PREX1: variants seen among roughly 807,000 people sequenced by gnomAD.
PREX1 encodes phosphatidylinositol 3,4,5-trisphosphate-dependent Rac exchanger 1 protein.
PREX1 carries 41 observed loss-of-function variants against 198.3 expected under a neutral mutation model. That is an observed-to-expected ratio of 0.21 (90% CI 0.16 to 0.27). The LOEUF (loss-of-function observed/expected upper bound fraction) is 0.27. PREX1 is among the 10% of genes least tolerant of loss of function. The probability of loss-of-function intolerance (pLI) is 1.00; values close to 1 mark genes in which losing one functional copy is unlikely to be tolerated. For synonymous variants in PREX1, 843 were observed against 887.2 expected (o/e 0.95, Z 0.89); for missense variants, 1,620 against 2,200.7 (o/e 0.74, Z 5.28).
chr20:48,761,708 G>A (rs1445361267), intron 1 of PREX1, among the ~76,000 whole-genome samples: 4 of 152,126 alleles, frequency 2.6e-5, no homozygotes, highest in Admixed American at 6.6e-5. Context: ...AAACTTTCCT[G>A]AGTTCACCAA....
chr20:48,723,633 C>T (rs1037923574), intron 5 of PREX1, among the ~76,000 whole-genome samples: 1 of 152,180 alleles, frequency 6.6e-6, no homozygotes, highest in African/African-American at 2.4e-5. Context: ...GCAGAGTAAA[C>T]AGCCGTCTGG....
At chr20:48,882,900 A>G in the PREX1 span, among the ~76,000 whole-genome samples, 4 of 148,806 alleles carry the variant, frequency 2.7e-5, no homozygotes, top group African/African-American at 9.9e-5. Flanking sequence ...TGTCTATTCA[A>G]ATTCTTTGTC....
chr20:48,680,772 C>T (rs1325321608), intron 11 of PREX1, among the ~76,000 whole-genome samples: 1 of 152,146 alleles, frequency 6.6e-6, no homozygotes, highest in Non-Finnish European at 1.5e-5. Flanking sequence ...ACACCACACT[C>T]TTTACCCTCC....
chr20:48,713,801 G>A (rs2089947428), intron 5 of PREX1, among the ~76,000 whole-genome samples: 1 of 148,412 alleles, frequency 6.7e-6, no homozygotes, highest in African/African-American at 2.5e-5. Context: ...AACCACCATG[G>A]CACATGTAGA....
chr20:48,661,492 T>C (rs1356279065), intron 15 of PREX1, among the ~76,000 whole-genome samples: 53 of 119,342 alleles, frequency 4.4e-4, no homozygotes, highest in Admixed American at 1.6e-3. Flanking sequence ...TATAATATAA[T>C]ATATAGTATG....
At chr20:48,677,607 T>A (rs1214521721) in intron 13 of PREX1, among the ~76,000 whole-genome samples, 1 of 152,204 alleles carries the variant, frequency 6.6e-6, no homozygotes, top group Non-Finnish European at 1.5e-5. Context: ...CAAAAGAAGT[T>A]AATCATCTTT....
At chr20:48,662,970 C>T (rs577238852) in intron 15 of PREX1, among the ~76,000 whole-genome samples, 4 of 152,240 alleles carry the variant, frequency 2.6e-5, no homozygotes, top group South Asian at 2.1e-4. Flanking sequence ...AGCTGACTGG[C>T]GGGAGGCTCG....
At chr20:48,863,584 G>GTTTTTTTTTTTTTTTT in the PREX1 span, among the ~76,000 whole-genome samples, 1 of 120,356 alleles carries the variant, frequency 8.3e-6, no homozygotes. Flanking sequence ...TTTTCATATT[G>GTTTTTTTTTTTTTTTT]TCTTTTTTTT....
intron 7 of PREX1, among the ~76,000 whole-genome samples, 171 bp from the exon 8 acceptor site, chr20:48,692,961 G>C (rs894512285): frequency 6.6e-6 from 1 of 152,182 alleles, no homozygotes; most frequent in Non-Finnish European, 1.5e-5. Flanking sequence ...ACTTGAACAA[G>C]TCACTTCTCT....
chr20:48,885,454 G>A, the PREX1 span, among the ~76,000 whole-genome samples: 1 of 152,208 alleles, frequency 6.6e-6, no homozygotes, highest in African/African-American at 2.4e-5. Flanking sequence ...ATTGCTAGTA[G>A]TAATGCAAAA....
intron 10 of PREX1, 58 bp from the exon 11 acceptor site, chr20:48,681,393 T>C: frequency 6.4e-7 from 1 of 1,552,680 alleles, no homozygotes; most frequent in Non-Finnish European, 8.9e-7. Context: ...ACCACAGGAA[T>C]CAGCACTAAG....
chr20:48,669,660 GTC>G (rs745760281), intron 14 of PREX1, among the ~76,000 whole-genome samples: 73 of 152,106 alleles, frequency 4.8e-4, no homozygotes, highest in Admixed American at 7.9e-4. Flanking sequence ...CCCTGTCTCG[GTC>G]TCTGTCTATA....
rs557291293 is a variant in PREX1, at chr20:48,788,975, T to C, written c.219+38667A>G. On this transcript the variant is annotated intron_variant, in intron 1 of 39. Transcript: ENST00000371941. ...GAACGTTCTCACCAGATGTGGCCCC[T>C]CCACCTGGGACTTCTCAGCTTCCAT... Among the ~76,000 whole-genome samples the C allele has an allele frequency of 4.8e-4, 73 of 152,250 alleles. 1 individual carries two copies. Among genetic ancestry groups the C allele is most frequent in the African/African-American group, 1.7e-3 (72 of 41,546 alleles).
At chr20:48,673,887 A>C (rs1408302976) in intron 14 of PREX1, among the ~76,000 whole-genome samples, 2 of 152,208 alleles carry the variant, frequency 1.3e-5, no homozygotes, top group Non-Finnish European at 2.9e-5. Flanking sequence ...CACTTTACAC[A>C]ATTATCTCAT....
intron 33 of PREX1, among the ~76,000 whole-genome samples, chr20:48,633,690 T>C (rs6019327): frequency 0.41 from 61,561 of 151,882 alleles, 12,607 homozygotes; most frequent in Middle Eastern, 0.53. Context: ...AACCCCTGCT[T>C]TCAGAAGCAA....
chr20:48,721,889 G>A (rs2089988014), intron 5 of PREX1, among the ~76,000 whole-genome samples: 1 of 152,080 alleles, frequency 6.6e-6, no homozygotes, highest in Non-Finnish European at 1.5e-5. Flanking sequence ...GGGGAAAGAG[G>A]GACACCAAAT....
chr20:48,831,999 T>A (rs1341357818), upstream of PREX1, among the ~76,000 whole-genome samples: 1 of 151,910 alleles, frequency 6.6e-6, no homozygotes, highest in Admixed American at 6.6e-5. Context: ...TTCTTCCCCA[T>A]CACCCGTCCG....
chr20:48,741,096 C>T (rs1263873129), intron 3 of PREX1, among the ~76,000 whole-genome samples: 1 of 152,044 alleles, frequency 6.6e-6, no homozygotes, highest in African/African-American at 2.4e-5. Context: ...GCAACCTCTG[C>T]CTCCCGGGTT....
chr20:48,631,034 A>C (rs1222002472), intron 35 of PREX1, among the ~76,000 whole-genome samples: 1 of 152,080 alleles, frequency 6.6e-6, no homozygotes, highest in African/African-American at 2.4e-5. Flanking sequence ...CTGCCCGTCC[A>C]CAGCAGCCCC....
Sources: allele counts gnomAD v4.1 joint callset (sites outside exome capture counted in the v4.1 genomes callset), GRCh38; gene constraint gnomAD v4.1.1; transcripts MANE v1.5; gene names NCBI Gene and HGNC (gene_info 2026-07-23, HGNC 2026-07-21).